KDM6A: variants seen among roughly 807,000 people sequenced by gnomAD.
KDM6A encodes the protein lysine-specific demethylase 6A.
Under a neutral mutation model 117.6 loss-of-function variants are expected in KDM6A, and 11 were observed. The observed-to-expected ratio is 0.09, with a 90% confidence interval of 0.06 to 0.15. The LOEUF is 0.15. KDM6A is among the 10% of genes least tolerant of loss of function. The pLI is 1.00. For synonymous variants in KDM6A, 384 were observed against 396.1 expected (o/e 0.97, Z 0.36); for missense variants, 799 against 1,077.3 (o/e 0.74, Z 3.62).
chrX:45,112,120 C>T lies in KDM6A; in HGVS notation c.*709C>T, dbSNP rs2046784497. The T allele has an allele frequency of 6.1e-6, 1 of 163,100 alleles. No homozygotes were observed. The highest frequency in any genetic ancestry group is 3.0e-5 in the African/African-American group (1 of 33,007). 13.4% of individuals were successfully genotyped at this position (163,100 alleles called of 1,213,427 possible). ...GTGAATGGAATGCTGTTATTTTTTC[C>T]AGATTTACCTGCCATTGAAATTTTA... On this transcript the variant is annotated 3_prime_UTR_variant, in exon 30 of 30. Transcript: ENST00000611820.
At chrX:45,104,478 A>G (rs1355882979) in intron 27 of KDM6A, among the ~76,000 whole-genome samples, 1 of 112,612 alleles carries the variant, frequency 8.9e-6, no homozygotes, top group East Asian at 2.8e-4. Flanking sequence ...GTCTGGGGCT[A>G]ATCAAAGCAG....
chrX:45,066,714 G>T (rs1273878618), intron 17 of KDM6A, among the ~76,000 whole-genome samples: 1 of 111,854 alleles, frequency 8.9e-6, no homozygotes, highest in Non-Finnish European at 1.9e-5. Context: ...GGCTCACTTA[G>T]TTGCTGAAGT....
At chrX:44,945,828 C>T (rs1359075769) in intron 2 of KDM6A, among the ~76,000 whole-genome samples, 1 of 111,490 alleles carries the variant, frequency 9.0e-6, no homozygotes, top group Non-Finnish European at 1.9e-5. Context: ...AAAACAGCCA[C>T]TAATAATGAG....
chrX:44,998,830 T>C (rs944042379), intron 4 of KDM6A, among the ~76,000 whole-genome samples: 48 of 111,984 alleles, frequency 4.3e-4, no homozygotes, highest in African/African-American at 1.5e-3. Context: ...TGGTGGTGGC[T>C]ACAGTCAAAT....
intron 2 of KDM6A, among the ~76,000 whole-genome samples, chrX:44,960,277 A>T (rs2038593907): frequency 9.0e-6 from 1 of 111,648 alleles, no homozygotes; most frequent in African/African-American, 3.3e-5. Context: ...CACATTTCTT[A>T]CTTTAATGAC....
Position 45,037,940 on chromosome X carries a change from G to A in KDM6A, c.654+251G>A, listed in dbSNP as rs112449640. On this transcript the variant is annotated intron_variant, in intron 8 of 29. Transcript: ENST00000611820. The stretch of plus-strand genomic sequence containing the variant: ...TTTCCTTTAAACTTGATCCATTTGC[G>A]GCTGGGCGCGGTAGCTCACACCTGT... 0.17 allele frequency among the ~76,000 whole-genome samples: 18,927 copies of A among 111,293 alleles called. 2,347 individuals carry two copies. The highest frequency in any genetic ancestry group is 0.44 in the African/African-American group (13,392 of 30,393).
chrX:44,962,770 TA>T (rs753043184), intron 3 of KDM6A, among the ~76,000 whole-genome samples: 326 of 111,897 alleles, frequency 2.9e-3, no homozygotes, highest in African/African-American at 9.6e-3. Flanking sequence ...ATACTTTAGT[TA>T]AAAAAAACTT....
rs2148037873 is a variant in KDM6A at position 45,069,715 on chromosome X, G to A, written c.2216G>A (p.Ser739Asn). 8.3e-7 allele frequency: 1 copy of A among 1,210,026 alleles called. No homozygotes were observed. Among genetic ancestry groups the A allele is most frequent in the Non-Finnish European group, 1.1e-6 (1 of 894,737 alleles). Reference protein sequence around the residue: ...QNQNGHPTLPSNSVTQGAALN... With the variant: ...QNQNGHPTLPNNSVTQGAALN... ...CAGAACGGACATCCCACCCTGCCTA[G>A]CAATTCAGTAACACAGGGGGCTGCT... The change falls in exon 18 of 30, where the codon AGC becomes AAC. Residue 739 changes from serine to asparagine, a missense_variant. Ser to Asn is a conservative substitution (Grantham distance 46). This residue lies in a region of KDM6A where 301 missense variants were observed against 318.3 expected (regional missense o/e 0.95). Transcript: ENST00000611820.
intron 3 of KDM6A, among the ~76,000 whole-genome samples, chrX:44,971,398 T>A (rs1180196457): frequency 8.9e-6 from 1 of 112,185 alleles, no homozygotes; most frequent in Non-Finnish European, 1.9e-5. Flanking sequence ...TGTGATGATG[T>A]TTTTGGGTAA....
At chrX:45,059,962 G>C (rs1184424910) in intron 12 of KDM6A, 60 bp from the exon 13 acceptor site, 30 of 1,176,388 alleles carry the variant, frequency 2.6e-5, no homozygotes, top group Non-Finnish European at 3.4e-5. Flanking sequence ...AAGATTTAGT[G>C]GACTTGCTCT....
chrX:44,900,272 A>G (rs1258779776), intron 2 of KDM6A, among the ~76,000 whole-genome samples: 2 of 112,085 alleles, frequency 1.8e-5, no homozygotes, highest in African/African-American at 6.5e-5. Context: ...AGAAGTTTTT[A>G]GGAGTAGGAA....
At chrX:44,954,135 G>A (rs954887051) in intron 2 of KDM6A, among the ~76,000 whole-genome samples, 2 of 107,586 alleles carry the variant, frequency 1.9e-5, no homozygotes, top group Non-Finnish European at 3.8e-5. Context: ...AAAGTATAAT[G>A]TGTTGACGTT....
intron 27 of KDM6A, among the ~76,000 whole-genome samples, chrX:45,106,302 C>T (rs1327648343): frequency 9.0e-6 from 1 of 110,788 alleles, no homozygotes; most frequent in Non-Finnish European, 1.9e-5. Context: ...TTAATATACA[C>T]GGGTTCTGAT....
Position 45,082,681 on chromosome X carries a change from A to G in KDM6A, c.3366-34A>G, listed in dbSNP as rs759181734. 2 of 1,172,768 alleles carry G rather than the reference A, an allele frequency of 1.7e-6. No homozygotes were observed. Among genetic ancestry groups the G allele is most frequent in the Non-Finnish European group, 2.3e-6 (2 of 860,122 alleles). ...TGTCCACTTAGTATTTCTTTTTAAA[A>G]GGCATGTTTCTAATACTGTGTCTCT... is the stretch of plus-strand genomic sequence containing the variant. On this transcript the variant is annotated intron_variant, in intron 22 of 29. Coordinates refer to ENST00000611820, the MANE Select transcript of KDM6A (RefSeq NM_001291415.2).
intron 27 of KDM6A, among the ~76,000 whole-genome samples, chrX:45,105,547 T>C (rs1477454043): frequency 8.9e-6 from 1 of 111,958 alleles, no homozygotes; most frequent in Non-Finnish European, 1.9e-5. Flanking sequence ...TCTGTATCTT[T>C]AGAAGTGAAT....
At chrX:44,929,218 G>A (rs1044478860) in intron 2 of KDM6A, among the ~76,000 whole-genome samples, 6 of 97,095 alleles carry the variant, frequency 6.2e-5, no homozygotes, top group African/African-American at 2.3e-4. Context: ...ATTTTACTAT[G>A]TTTTAAAAAG....
intron 3 of KDM6A, among the ~76,000 whole-genome samples, chrX:44,963,369 C>T (rs761890050): frequency 9.3e-6 from 1 of 107,787 alleles, no homozygotes; most frequent in African/African-American, 3.4e-5. Flanking sequence ...AACACTTGAA[C>T]CTGGGAGGTT....
rs1489989421 is a variant in KDM6A at position 44,984,157 on chromosome X, G to A, written c.384+9442G>A. ...GGTTTTGATTTGCATTTCTCTGATGGCCAGTGATGATGAGCATTTTTTCAT... is the reference window on the plus strand; with the variant it reads ...GGTTTTGATTTGCATTTCTCTGATGACCAGTGATGATGAGCATTTTTTCAT... On this transcript the variant is annotated intron_variant, in intron 4 of 29. Coordinates refer to ENST00000611820, the MANE Select transcript of KDM6A (RefSeq NM_001291415.2). Among the ~76,000 whole-genome samples the A allele has an allele frequency of 1.9e-3, 206 of 110,071 alleles. 1 individual carries two copies. Among genetic ancestry groups the A allele is most frequent in the African/African-American group, 6.7e-3 (198 of 29,765 alleles).
intron 2 of KDM6A, among the ~76,000 whole-genome samples, chrX:44,882,890 T>C (rs1315121988): frequency 9.0e-6 from 1 of 111,406 alleles, no homozygotes; most frequent in African/African-American, 3.3e-5. Flanking sequence ...AGTGATCATA[T>C]GATGTATTAA....
Sources: allele counts gnomAD v4.1 joint callset (sites outside exome capture counted in the v4.1 genomes callset), GRCh38; gene constraint gnomAD v4.1.1; regional missense constraint gnomAD v4.1.1; transcripts MANE v1.5; gene names NCBI Gene and HGNC (gene_info 2026-07-23, HGNC 2026-07-21).